ELMO1: variants seen among roughly 807,000 people sequenced by gnomAD.
ELMO1 encodes the protein engulfment and cell motility 1.
In ELMO1, 26 loss-of-function variants were observed where a neutral mutation model predicts 98.9. The observed-to-expected ratio is 0.26, with a 90% CI of 0.19 to 0.36. The LOEUF is 0.36. Among genes scored for constraint, ELMO1 ranks in the 10% least tolerant of loss-of-function variants. The pLI is 1.00. For synonymous variants in ELMO1, 346 were observed against 346.0 expected, an observed-to-expected ratio of 1.00 and a Z score of 0.00; for missense variants, 627 against 935.2, an observed-to-expected ratio of 0.67 and a Z score of 4.30.
At chr7:37,215,789 G>A (rs556776398) in intron 11 of ELMO1, among the ~76,000 whole-genome samples, 4 of 152,294 alleles carry the variant, frequency 2.6e-5, no homozygotes, top group Admixed American at 6.5e-5. Context: ...ATCCCCCAGT[G>A]GCACGGCATG....
intron 16 of ELMO1, among the ~76,000 whole-genome samples, chr7:36,908,090 C>T (rs1692165398): frequency 6.6e-6 from 1 of 152,204 alleles, no homozygotes; most frequent in Non-Finnish European, 1.5e-5. Flanking sequence ...GACCCAACAG[C>T]TAAACAGAAT....
chr7:37,166,124 A>G (rs1030440001), intron 13 of ELMO1, among the ~76,000 whole-genome samples: 7 of 152,284 alleles, frequency 4.6e-5, no homozygotes, highest in African/African-American at 1.7e-4. Context: ...GATTATCTGC[A>G]TAGAGGTGTT....
chr7:37,434,037 A>G (rs1805040249), intron 1 of ELMO1, among the ~76,000 whole-genome samples: 1 of 152,158 alleles, frequency 6.6e-6, no homozygotes, highest in African/African-American at 2.4e-5. Context: ...GATCTGAGAA[A>G]ACAGCTGCAT....
At chr7:37,279,587 CTT>C (rs1265685895) in intron 4 of ELMO1, among the ~76,000 whole-genome samples, 3 of 152,180 alleles carry the variant, frequency 2.0e-5, no homozygotes, top group African/African-American at 4.8e-5. Flanking sequence ...CTGAAGGTCT[CTT>C]TGCGGGAGAA....
intron 16 of ELMO1, among the ~76,000 whole-genome samples, chr7:36,936,649 G>T (rs117956107): frequency 0.011 from 1,612 of 152,042 alleles, 7 homozygotes; most frequent in Middle Eastern, 0.054. Flanking sequence ...GTAGAGATGG[G>T]GTCTATGTTA....
chr7:37,285,192 T>C (rs1250594402), intron 4 of ELMO1, among the ~76,000 whole-genome samples: 1 of 152,198 alleles, frequency 6.6e-6, no homozygotes, highest in African/African-American at 2.4e-5. Context: ...GGACGAGCAA[T>C]GCCCGCTCTT....
At chr7:37,134,007 T>C (rs1787099658) in intron 13 of ELMO1, among the ~76,000 whole-genome samples, 1 of 152,072 alleles carries the variant, frequency 6.6e-6, no homozygotes, top group Non-Finnish European at 1.5e-5. Context: ...ACAACAAGCA[T>C]ATGGAAGAAT....
intron 16 of ELMO1, among the ~76,000 whole-genome samples, chr7:36,943,778 G>T (rs1787250059): frequency 1.3e-5 from 2 of 152,102 alleles, no homozygotes; most frequent in Non-Finnish European, 2.9e-5. Flanking sequence ...TAACAAAAAG[G>T]AAATGAAACC....
chr7:36,995,794 C>T (rs563547744), intron 16 of ELMO1, among the ~76,000 whole-genome samples: 2 of 152,188 alleles, frequency 1.3e-5, no homozygotes, highest in South Asian at 4.2e-4. Context: ...TTTGTTTTCC[C>T]CCCTTGAATG....
At chr7:37,065,748 T>G (rs1796924656) in intron 15 of ELMO1, among the ~76,000 whole-genome samples, 1 of 152,218 alleles carries the variant, frequency 6.6e-6, no homozygotes, top group Non-Finnish European at 1.5e-5. Flanking sequence ...ATGAAAACGC[T>G]CGTGCTAGTG....
intron 16 of ELMO1, among the ~76,000 whole-genome samples, chr7:36,986,702 T>C (rs531816882): frequency 6.6e-6 from 1 of 152,278 alleles, no homozygotes; most frequent in East Asian, 1.9e-4. Flanking sequence ...TTCTCCTACC[T>C]TCTCTTCACA....
chr7:37,031,585 C>A (rs1178109779), intron 15 of ELMO1, among the ~76,000 whole-genome samples: 2 of 152,130 alleles, frequency 1.3e-5, no homozygotes, highest in Non-Finnish European at 2.9e-5. Context: ...TAGGCTGAGC[C>A]TTCTAAGTGT....
chr7:37,006,860 C>T (rs1007759357), intron 16 of ELMO1, among the ~76,000 whole-genome samples: 1 of 152,108 alleles, frequency 6.6e-6, no homozygotes, highest in Non-Finnish European at 1.5e-5. Context: ...TGAACATACA[C>T]TTATTGAAAA....
Position 37,271,797 on chromosome 7 carries a change from A to C in ELMO1, c.243+35T>G, listed in dbSNP as rs1796571956. On this transcript the variant is annotated intron_variant, in intron 5 of 21. Coordinates refer to ENST00000310758, the MANE Select transcript of ELMO1 (RefSeq NM_014800.11). ...CATATAGCAGAAACGCAGAGCAAAG[A>C]GTTTGCTGGAAGTCAGAAGCTAAGA... is the stretch of plus-strand genomic sequence containing the variant. 5 of 1,605,332 alleles carry C rather than the reference A, an allele frequency of 3.1e-6. No individual in the cohort carries two copies. The South Asian group carries it at 5.6e-5, about 18-fold the overall frequency.
rs368227789 is a variant in ELMO1 at position 37,184,466 on chromosome 7, T to C, written c.1086+26920A>G. 2.7e-3 allele frequency among the ~76,000 whole-genome samples: 411 copies of C among 152,324 alleles called. 4 individuals carry two copies. Among genetic ancestry groups the C allele is most frequent in the African/African-American group, 9.6e-3 (399 of 41,564 alleles). On this transcript the variant is annotated intron_variant, in intron 13 of 21. Transcript: ENST00000310758. ...CAACAACTGAAGACACTTGTTGATA[T>C]GGGCTCCTGTAATTGCTCTACACGG...
intron 15 of ELMO1, among the ~76,000 whole-genome samples, chr7:37,033,581 C>T (rs1795000090): frequency 6.6e-6 from 1 of 151,992 alleles, no homozygotes; most frequent in Non-Finnish European, 1.5e-5. Flanking sequence ...TGTCCCTTCC[C>T]AGGGAGTAGG....
At chr7:37,364,536 A>C (rs1411797984) in intron 1 of ELMO1, among the ~76,000 whole-genome samples, 1 of 151,574 alleles carries the variant, frequency 6.6e-6, no homozygotes, top group Non-Finnish European at 1.5e-5. Context: ...TAGGAAAATA[A>C]CTTGTAGGTT....
At position 36,854,144 on chromosome 7, in the gene ELMO1, G is replaced by A. The variant is rs1010036596; in HGVS notation, c.*1407C>T. 3.3e-5 allele frequency among the ~76,000 whole-genome samples: 5 copies of A among 152,186 alleles called. No homozygotes were observed. Among genetic ancestry groups the A allele is most frequent in the African/African-American group, 1.2e-4 (5 of 41,430 alleles). Reference sequence around the variant, plus strand: ...GTGAGTCGAGATGGTCTTCTTAGAAGTAACATTCTCCACTGATGCTCAGAG... The same window carrying A: ...GTGAGTCGAGATGGTCTTCTTAGAAATAACATTCTCCACTGATGCTCAGAG... On this transcript the variant is annotated 3_prime_UTR_variant, in exon 22 of 22. Coordinates refer to ENST00000310758, the MANE Select transcript of ELMO1 (RefSeq NM_014800.11).
At position 37,259,292 on chromosome 7, in the gene ELMO1, A is replaced by C. The variant is rs1584884681; in HGVS notation, c.302T>G (p.Leu101Arg). The C allele has an allele frequency of 6.2e-7, 1 of 1,614,180 alleles. No homozygotes were observed. Among genetic ancestry groups the C allele is most frequent in the Non-Finnish European group, 8.5e-7 (1 of 1,180,010 alleles). ...RIQSSSMDAK[L>R]EALKDLASLS... is the part of the protein sequence containing the mutation. ...GCTGGCCAAGTCCTTCAGGGCTTCC[A>C]GCTTGGCATCCATACTCGAGGACTG... The change falls in exon 6 of 22, where the codon CTG becomes CGG. Residue 101 changes from leucine (L) to arginine (R), a missense_variant. Around this residue, in one of 3 missense-constraint regions of ELMO1, gnomAD observed 123 missense variants for 171.2 expected, o/e 0.72. Coordinates refer to ENST00000310758, the MANE Select transcript of ELMO1 (RefSeq NM_014800.11).
Sources: gnomAD v4.1 joint callset for allele counts (sites outside exome capture counted in the v4.1 genomes callset) on GRCh38, gnomAD v4.1.1 for gene constraint, gnomAD v4.1.1 regional missense constraint, MANE v1.5 for transcripts, NCBI Gene and HGNC (gene_info 2026-07-23, HGNC 2026-07-21) for gene names.